Variants in CCM2 observed in about 807,000 individuals in gnomAD.
CCM2 encodes the protein CCM2 scaffold protein.
In CCM2, 25 loss-of-function variants were observed where a neutral mutation model predicts 44.9. The observed-to-expected ratio is 0.56, with a 90% CI of 0.41 to 0.78. CCM2 has a LOEUF of 0.78. Ranked by LOEUF, CCM2 falls within the 30% of genes least tolerant of loss-of-function variation. The pLI is 0.00. For synonymous variants in CCM2, 219 were observed against 241.1 expected (o/e 0.91, Z 0.85); for missense variants, 481 against 580.6 (o/e 0.83, Z 1.76).
At chr7:45,023,383 C>G (rs769205949) in intron 1 of CCM2, among the ~76,000 whole-genome samples, 1 of 152,292 alleles carries the variant, frequency 6.6e-6, no homozygotes, top group South Asian at 2.1e-4. Flanking sequence ...AGCCCCATCT[C>G]TACTAAAAAT....
chr7:45,013,972 C>CT (rs948896606), intron 1 of CCM2, among the ~76,000 whole-genome samples: 6 of 152,086 alleles, frequency 3.9e-5, no homozygotes, highest in Admixed American at 3.9e-4. Context: ...TTAAGATAGT[C>CT]TTGCCAAGTT....
intron 1 of CCM2, among the ~76,000 whole-genome samples, chr7:45,017,379 G>A (rs1583855221): frequency 6.6e-6 from 1 of 152,338 alleles, no homozygotes; most frequent in East Asian, 1.9e-4. Flanking sequence ...TGTCAGGAGA[G>A]AGTTACTGAA....
intron 1 of CCM2, among the ~76,000 whole-genome samples, chr7:45,023,787 GTTTTTTTTTTTTTTTTT>G (rs10596429): frequency 6.8e-5 from 4 of 58,616 alleles, no homozygotes; most frequent in African/African-American, 1.5e-4. Flanking sequence ...CTCTGTATCA[GTTTTTTTTTTTTTTTTT>G]TTTTTTTTTT....
intron 1 of CCM2, among the ~76,000 whole-genome samples, chr7:45,004,230 A>G (rs956580254): frequency 6.6e-6 from 1 of 152,184 alleles, no homozygotes; most frequent in Non-Finnish European, 1.5e-5. Flanking sequence ...TAGATATTAA[A>G]TAATAAATAA....
intron 1 of CCM2, among the ~76,000 whole-genome samples, chr7:45,022,377 G>A (rs146273127): frequency 0.14 from 19,009 of 135,326 alleles, 1,532 homozygotes; most frequent in Admixed American, 0.24. Flanking sequence ...TGCGATCTCG[G>A]TTCACTGCAA....
chr7:45,023,939 T>C (rs997438165), intron 1 of CCM2, among the ~76,000 whole-genome samples: 9 of 152,038 alleles, frequency 5.9e-5, no homozygotes, highest in Middle Eastern at 3.4e-3. Context: ...GTCTCCGTAG[T>C]AGCTGGGGTT....
chr7:45,009,083 C>A (rs1445072644), intron 1 of CCM2, among the ~76,000 whole-genome samples: 1 of 152,022 alleles, frequency 6.6e-6, no homozygotes, highest in Admixed American at 6.6e-5. Context: ...AGGCAGATCA[C>A]CTGAGATCAG....
At position 45,003,319 on chromosome 7, in the gene CCM2, A is replaced by C. The variant is rs186139095; in HGVS notation, c.30+2956A>C. On this transcript the variant is annotated intron_variant, in intron 1 of 9. Transcript: ENST00000258781. ...TCAAACTCCGGATCTCAGGTGATCC[A>C]CCCACCTTGGCCTCCCAAGGTGCTG... 4.8e-4 allele frequency among the ~76,000 whole-genome samples: 73 copies of C among 151,786 alleles called. No individual in the cohort carries two copies. In the East Asian group the frequency reaches 0.013, roughly 27 times the overall value.
In CCM2 at chr7:45,030,648, C is replaced by T. The variant is rs141602965; in HGVS notation, c.31-7605C>T. ...CAGGCTGGTCTTGAACTCCTGGCCT[C>T]AAGCGATCCTCTTGCTTTGGCCTCC... On this transcript the variant is annotated intron_variant, in intron 1 of 9. Coordinates refer to ENST00000258781, the MANE Select transcript of CCM2 (RefSeq NM_031443.4). Among the ~76,000 whole-genome samples the T allele has an allele frequency of 9.3e-3, 1,414 of 152,308 alleles. 6 individuals are homozygous for T. Among genetic ancestry groups the T allele is most frequent in the Non-Finnish European group, 0.014 (985 of 68,026 alleles).
intron 8 of CCM2, chr7:45,073,841 C>T (rs550933738): frequency 5.5e-5 from 31 of 559,480 alleles, no homozygotes; most frequent in African/African-American, 2.8e-4. Context: ...GGGGAGGGAA[C>T]GGTGGCCCCT....
intron 2 of CCM2, among the ~76,000 whole-genome samples, chr7:45,051,220 C>A (rs991067195): frequency 4.2e-4 from 64 of 152,254 alleles, no homozygotes; most frequent in African/African-American, 1.4e-3. Flanking sequence ...CTGACTACTT[C>A]AGTGGGTCCC....
At chr7:45,015,117 T>C (rs987869435) in intron 1 of CCM2, among the ~76,000 whole-genome samples, 1 of 152,196 alleles carries the variant, frequency 6.6e-6, no homozygotes, top group African/African-American at 2.4e-5. Context: ...CCTCCTTGCT[T>C]TTAGTGGAAA....
intron 2 of CCM2, among the ~76,000 whole-genome samples, chr7:45,062,602 C>T (rs1196268230): frequency 1.3e-5 from 2 of 152,132 alleles, no homozygotes; most frequent in Admixed American, 6.6e-5. Context: ...TGGGAAGCTG[C>T]GGTGAGCAGA....
intron 2 of CCM2, among the ~76,000 whole-genome samples, chr7:45,060,633 CT>C (rs1278127827): frequency 6.6e-6 from 1 of 151,938 alleles, no homozygotes. Context: ...TTCTTTCGTT[CT>C]TTTTTCCCTT....
At chr7:45,056,830 C>G (rs1376934806) in intron 2 of CCM2, among the ~76,000 whole-genome samples, 1 of 152,130 alleles carries the variant, frequency 6.6e-6, no homozygotes, top group East Asian at 1.9e-4. Context: ...TGGTGAAGTC[C>G]AGATTTGTTT....
intron 1 of CCM2, among the ~76,000 whole-genome samples, chr7:45,015,652 C>T (rs1433043543): frequency 3.3e-5 from 5 of 152,306 alleles, no homozygotes; most frequent in Non-Finnish European, 7.3e-5. Context: ...CAGAGTTGGT[C>T]CCAGACATGC....
intron 4 of CCM2, 146 bp downstream of exon 4, chr7:45,064,792 A>G: frequency 1.2e-6 from 1 of 845,502 alleles, no homozygotes; most frequent in Non-Finnish European, 1.9e-6. Flanking sequence ...CTCTGAGATC[A>G]GCCAGAAGAG....
intron 1 of CCM2, among the ~76,000 whole-genome samples, chr7:45,031,915 A>C (rs1796987636): frequency 6.6e-6 from 1 of 152,130 alleles, no homozygotes; most frequent in African/African-American, 2.4e-5. Context: ...TTTTCCAAAA[A>C]TCTGAGGTGG....
At chr7:45,014,779 G>C (rs555769369) in intron 1 of CCM2, among the ~76,000 whole-genome samples, 1 of 151,902 alleles carries the variant, frequency 6.6e-6, no homozygotes, top group Non-Finnish European at 1.5e-5. Context: ...GCACCACCAA[G>C]CCTGTCTAAT....
Sources: allele counts gnomAD v4.1 joint callset (sites outside exome capture counted in the v4.1 genomes callset), GRCh38; gene constraint gnomAD v4.1.1; transcripts MANE v1.5; gene names NCBI Gene and HGNC (gene_info 2026-07-23, HGNC 2026-07-21).